Variants in SAMD4A observed in about 807,000 individuals in gnomAD.
SAMD4A encodes the protein protein Smaug homolog 1.
Under a neutral mutation model 81.3 loss-of-function variants are expected in SAMD4A, and 33 were observed. That is an observed-to-expected ratio of 0.41 (90% CI 0.31 to 0.54). The LOEUF is 0.54. SAMD4A is among the 20% of genes least tolerant of loss of function. SAMD4A has a pLI of 0.37. For synonymous variants in SAMD4A, 389 were observed against 382.1 expected, an observed-to-expected ratio of 1.02 and a Z score of -0.21; for missense variants, 854 against 951.1, an observed-to-expected ratio of 0.90 and a Z score of 1.34.
At chr14:54,640,932 C>T (rs904848821) in intron 2 of SAMD4A, among the ~76,000 whole-genome samples, 1 of 152,214 alleles carries the variant, frequency 6.6e-6, no homozygotes, top group Non-Finnish European at 1.5e-5. Flanking sequence ...GTCTTTCACA[C>T]TAGGAGTTCA....
chr14:54,757,383 T>TTG (rs3051653), intron 6 of SAMD4A, among the ~76,000 whole-genome samples: 14,675 of 139,952 alleles, frequency 0.1, 742 homozygotes, highest in Middle Eastern at 0.17. Context: ...GTTTCTTTAT[T>TTG]TGTGTGTGTG....
chr14:54,763,742 C>T (rs997481674), intron 7 of SAMD4A, among the ~76,000 whole-genome samples: 12 of 152,090 alleles, frequency 7.9e-5, no homozygotes, highest in African/African-American at 2.9e-4. Flanking sequence ...CTAAGAAAGT[C>T]GGGGAATCGT....
At chr14:54,698,424 A>G (rs959143913) in intron 2 of SAMD4A, among the ~76,000 whole-genome samples, 1 of 152,188 alleles carries the variant, frequency 6.6e-6, no homozygotes, top group Non-Finnish European at 1.5e-5. Context: ...GCCTACCTCC[A>G]TTCTGCCACT....
intron 2 of SAMD4A, among the ~76,000 whole-genome samples, chr14:54,586,681 G>C (rs968839651): frequency 6.6e-6 from 1 of 152,124 alleles, no homozygotes. Context: ...GTTGAATAGG[G>C]TGTCCTTTTC....
intron 8 of SAMD4A, among the ~76,000 whole-genome samples, chr14:54,767,748 A>AT (rs2038590340): frequency 6.6e-6 from 1 of 152,162 alleles, no homozygotes; most frequent in Admixed American, 6.5e-5. Flanking sequence ...CTGCAGTGAG[A>AT]TTTTGGGCAT....
chr14:54,728,906 G>A (rs993896906), intron 3 of SAMD4A, among the ~76,000 whole-genome samples: 3 of 152,196 alleles, frequency 2.0e-5, no homozygotes, highest in Non-Finnish European at 4.4e-5. Flanking sequence ...CCTGATCAGT[G>A]AGAGCCACTG....
At chr14:54,664,336 T>C (rs1291392402) in intron 2 of SAMD4A, among the ~76,000 whole-genome samples, 3 of 152,168 alleles carry the variant, frequency 2.0e-5, no homozygotes, top group East Asian at 1.9e-4. Context: ...TATACACTTA[T>C]AGTTTGGATT....
chr14:54,657,327 C>T (rs1189988515), intron 2 of SAMD4A, among the ~76,000 whole-genome samples: 1 of 152,184 alleles, frequency 6.6e-6, no homozygotes, highest in East Asian at 1.9e-4. Flanking sequence ...ATTCCTACAT[C>T]GAAGAATTTT....
intron 2 of SAMD4A, among the ~76,000 whole-genome samples, chr14:54,663,329 G>A (rs2035684908): frequency 6.6e-6 from 1 of 152,140 alleles, no homozygotes; most frequent in East Asian, 1.9e-4. Context: ...GCCCTATAGA[G>A]TAGCAATAAT....
At chr14:54,772,709 A>G (rs2038736949) in intron 9 of SAMD4A, among the ~76,000 whole-genome samples, 1 of 152,214 alleles carries the variant, frequency 6.6e-6, no homozygotes, top group Admixed American at 6.5e-5. Flanking sequence ...AAGTGAGAAA[A>G]CGCTATCCAC....
intron 12 of SAMD4A, 102 bp from the exon 13 acceptor site, chr14:54,788,814 C>A: frequency 7.0e-7 from 1 of 1,434,426 alleles, no homozygotes; most frequent in South Asian, 1.1e-5. Flanking sequence ...CTTCTCTGCC[C>A]TCAGAGGCTG....
chr14:54,724,694 A>T (rs77675333), intron 3 of SAMD4A, among the ~76,000 whole-genome samples: 7 of 152,282 alleles, frequency 4.6e-5, no homozygotes, highest in Non-Finnish European at 7.4e-5. Context: ...TTACCCTTCC[A>T]TGAGATCCTA....
Position 54,567,971 on chromosome 14 carries a change from G to C in SAMD4A, c.55G>C (p.Glu19Gln), listed in dbSNP as rs928145636. 4 of 1,610,454 alleles carry C rather than the reference G, an allele frequency of 2.5e-6. No individual in the cohort carries two copies. The highest frequency in any genetic ancestry group is 3.4e-6 in the Non-Finnish European group (4 of 1,179,602). Residue 19 changes from glutamate to glutamine, a missense_variant, in exon 2 of 13, where the codon GAG (glutamate) becomes CAG (glutamine). Glu to Gln is a conservative substitution (Grantham distance 29). Coordinates refer to ENST00000554335, the MANE Select transcript of SAMD4A (RefSeq NM_015589.6). Reference sequence around the variant, plus strand: ...GGCGGGCTGGTTTAAGGGCTGGAACGAGTGCGAGCAGACTGTTGCGCTGCT... The same window carrying C: ...GGCGGGCTGGTTTAAGGGCTGGAACCAGTGCGAGCAGACTGTTGCGCTGCT... ...VLAGWFKGWNECEQTVALLSL... is the reference protein window; with the variant it reads ...VLAGWFKGWNQCEQTVALLSL...
At chr14:54,772,588 T>A (rs370555294) in intron 9 of SAMD4A, among the ~76,000 whole-genome samples, 49 of 152,310 alleles carry the variant, frequency 3.2e-4, no homozygotes, top group African/African-American at 1.0e-3. Flanking sequence ...CCACATTATA[T>A]TGCTTAAGAA....
At chr14:54,609,692 C>A (rs986529249) in intron 2 of SAMD4A, among the ~76,000 whole-genome samples, 1 of 152,234 alleles carries the variant, frequency 6.6e-6, no homozygotes, top group Non-Finnish European at 1.5e-5. Context: ...ACAGGTTCCT[C>A]TTGGCCACGC....
rs537356586 is a variant in SAMD4A, at chr14:54,720,738, G to A, written c.716-16286G>A. On this transcript the variant is annotated intron_variant, in intron 3 of 12. Coordinates refer to ENST00000554335, the MANE Select transcript of SAMD4A (RefSeq NM_015589.6). ...TTTTTTTCTGCACGTGAAACCCAAT[G>A]CAAAAACAGGTTGTCTATGAATGGC... 4.6e-5 allele frequency among the ~76,000 whole-genome samples: 7 copies of A among 152,112 alleles called. No homozygotes were observed. The South Asian group carries it at 1.5e-3, about 32-fold the overall frequency.
At chr14:54,765,657 C>T (rs1437196317) in intron 8 of SAMD4A, among the ~76,000 whole-genome samples, 1 of 152,130 alleles carries the variant, frequency 6.6e-6, no homozygotes, top group Non-Finnish European at 1.5e-5. Context: ...AGGCCCCAGG[C>T]CTCCTCACCT....
intron 3 of SAMD4A, among the ~76,000 whole-genome samples, chr14:54,730,811 C>T (rs2037543157): frequency 1.3e-5 from 2 of 152,070 alleles, no homozygotes; most frequent in Non-Finnish European, 2.9e-5. Flanking sequence ...TTGTATGTTT[C>T]AAAATGTATT....
chr14:54,780,747 G>C (rs1329616662), intron 11 of SAMD4A, among the ~76,000 whole-genome samples: 1 of 152,124 alleles, frequency 6.6e-6, no homozygotes, highest in Admixed American at 6.5e-5. Context: ...TTTTGTGAAA[G>C]CGTTGGTCCC....
Sources: allele counts gnomAD v4.1 joint callset (sites outside exome capture counted in the v4.1 genomes callset), GRCh38; gene constraint gnomAD v4.1.1; transcripts MANE v1.5; gene names NCBI Gene and HGNC (gene_info 2026-07-23, HGNC 2026-07-21).